The following PTPRN2 variants were observed in gnomAD, a reference collection of about 807,000 sequenced individuals.
The protein encoded by PTPRN2 is protein tyrosine phosphatase receptor type N2.
In PTPRN2, 74 loss-of-function variants were observed where a neutral mutation model predicts 118.8. The observed-to-expected ratio is 0.62, with a 90% CI of 0.52 to 0.76. The LOEUF (loss-of-function observed/expected upper bound fraction) is 0.76, where lower values mean the gene tolerates loss of function less well. Among genes scored for constraint, PTPRN2 ranks in the 30% least tolerant of loss-of-function variants. The probability of loss-of-function intolerance (pLI) is 0.00; values close to 1 mark genes in which losing one functional copy is unlikely to be tolerated. For synonymous variants in PTPRN2, 641 were observed against 608.0 expected (o/e 1.05, Z -0.80); for missense variants, 1,481 against 1,394.4 (o/e 1.06, Z -0.99).
At chr7:158,341,119 AC>A (rs1806673853) in intron 2 of PTPRN2, among the ~76,000 whole-genome samples, 5 of 45,368 alleles carry the variant, frequency 1.1e-4, no homozygotes, top group Non-Finnish European at 2.8e-4. Flanking sequence ...TCACACCCAC[AC>A]GTCACTCACA....
At chr7:158,302,210 C>T (rs924835568) in intron 3 of PTPRN2, among the ~76,000 whole-genome samples, 3 of 152,198 alleles carry the variant, frequency 2.0e-5, no homozygotes, top group African/African-American at 7.2e-5. Context: ...GCATCCTCTC[C>T]CCAGACACCA....
At chr7:157,681,198 C>T (rs996726295) in intron 13 of PTPRN2, among the ~76,000 whole-genome samples, 2 of 152,134 alleles carry the variant, frequency 1.3e-5, no homozygotes, top group Non-Finnish European at 2.9e-5. Flanking sequence ...AAGGGCGCCA[C>T]GCTTTCTAAA....
intron 1 of PTPRN2, among the ~76,000 whole-genome samples, chr7:158,508,917 C>T (rs1038222070): frequency 1.3e-5 from 2 of 149,706 alleles, no homozygotes; most frequent in African/African-American, 5.0e-5. Flanking sequence ...GGAGCAGGTG[C>T]GGAAGTGGCT....
chr7:158,204,175 C>G (rs1014587606), intron 4 of PTPRN2, among the ~76,000 whole-genome samples: 16 of 150,970 alleles, frequency 1.1e-4, no homozygotes, highest in Non-Finnish European at 2.1e-4. Context: ...GGGAAAGAAG[C>G]AGCCGCCGCC....
intron 17 of PTPRN2, among the ~76,000 whole-genome samples, chr7:157,588,788 GGA>G (rs1800820408): frequency 6.6e-6 from 1 of 152,118 alleles, no homozygotes; most frequent in African/African-American, 2.4e-5. Context: ...TTATCTGTGA[GGA>G]GTGTGTATGC....
chr7:157,707,934 G>C (rs1282061373), intron 12 of PTPRN2, among the ~76,000 whole-genome samples: 2 of 152,244 alleles, frequency 1.3e-5, no homozygotes, highest in Non-Finnish European at 2.9e-5. Context: ...GTAGCCACAA[G>C]AGTTAACATT....
intron 3 of PTPRN2, among the ~76,000 whole-genome samples, chr7:158,257,901 C>T (rs576278905): frequency 1.3e-5 from 2 of 152,226 alleles, no homozygotes; most frequent in South Asian, 2.1e-4. Context: ...CCTGGCTTCG[C>T]GGTGACAGCA....
chr7:158,177,668 A>G (rs552076019), intron 5 of PTPRN2, among the ~76,000 whole-genome samples: 25 of 152,356 alleles, frequency 1.6e-4, no homozygotes, highest in African/African-American at 5.3e-4. Context: ...TTTGGTCAAC[A>G]GAAATGAGAC....
chr7:158,082,298 C>T (rs1812903779), intron 10 of PTPRN2, among the ~76,000 whole-genome samples: 1 of 152,210 alleles, frequency 6.6e-6, no homozygotes, highest in South Asian at 2.1e-4. Flanking sequence ...ACACACCCTC[C>T]ACCACAGGCT....
intron 6 of PTPRN2, among the ~76,000 whole-genome samples, chr7:158,138,721 T>C (rs965139198): frequency 5.3e-5 from 8 of 152,140 alleles, no homozygotes; most frequent in Non-Finnish European, 1.0e-4. Context: ...ACTAGTTCAG[T>C]TCCCCAGAGG....
chr7:158,365,787 C>CA (rs1809407833), intron 2 of PTPRN2, among the ~76,000 whole-genome samples: 4 of 96,022 alleles, frequency 4.2e-5, no homozygotes, highest in East Asian at 3.3e-4. Flanking sequence ...ACACACACAC[C>CA]CACACACACA....
intron 1 of PTPRN2, among the ~76,000 whole-genome samples, chr7:158,523,227 G>A (rs1188107324): frequency 6.6e-6 from 1 of 152,172 alleles, no homozygotes; most frequent in East Asian, 1.9e-4. Context: ...GTGTGACCAG[G>A]GGCGGGGGTG....
At chr7:157,924,736 C>T (rs1306626173) in intron 11 of PTPRN2, among the ~76,000 whole-genome samples, 2 of 152,398 alleles carry the variant, frequency 1.3e-5, no homozygotes, top group East Asian at 1.9e-4. Flanking sequence ...GTACCCTCTG[C>T]TCACCCAACT....
chr7:158,330,811 C>G (rs1348750763), intron 2 of PTPRN2, among the ~76,000 whole-genome samples: 42 of 98,136 alleles, frequency 4.3e-4, no homozygotes, highest in African/African-American at 5.1e-4. Context: ...ACCATAAGAG[C>G]TGACACCCGC....
rs1364601974 is a variant in PTPRN2, at chr7:158,464,048, C to T, written c.163+25687G>A. Among the ~76,000 whole-genome samples, 4 of 48,648 alleles carry T rather than the reference C, an allele frequency of 8.2e-5. No individual in the cohort carries two copies. In the South Asian group the frequency reaches 3.0e-3, roughly 37 times the overall value. 31.9% of individuals were successfully genotyped at this position (48,648 alleles called of 152,430 possible). A position where few individuals can be genotyped will look rare whatever the true frequency, so the allele number is the denominator to read the frequency against. On this transcript the variant is annotated intron_variant, in intron 2 of 22. Coordinates refer to ENST00000389418, the MANE Select transcript of PTPRN2 (RefSeq NM_002847.5). ...CCTTACCATCGCCATCATTGCCATG[C>T]CATTTAGTAAATAATCCTTCATCAC...
intron 3 of PTPRN2, among the ~76,000 whole-genome samples, chr7:158,218,780 C>T (rs1370891824): frequency 6.6e-6 from 1 of 152,098 alleles, no homozygotes; most frequent in Non-Finnish European, 1.5e-5. Context: ...GCAGAGGTTG[C>T]TATTCTTATA....
intron 12 of PTPRN2, among the ~76,000 whole-genome samples, chr7:157,844,876 C>T (rs981726037): frequency 3.3e-5 from 5 of 152,172 alleles, no homozygotes; most frequent in Non-Finnish European, 5.9e-5. Flanking sequence ...TCCGGGTGCT[C>T]GTGTCCGTGC....
chr7:158,461,886 T>G (rs1024401466), intron 2 of PTPRN2, among the ~76,000 whole-genome samples: 1 of 94,630 alleles, frequency 1.1e-5, no homozygotes, highest in African/African-American at 3.7e-5. Flanking sequence ...TCTGAGTTAC[T>G]GAGCCTAAAG....
At chr7:157,952,394 CATCCCT>C (rs1800879416) in intron 11 of PTPRN2, among the ~76,000 whole-genome samples, 1 of 113,266 alleles carries the variant, frequency 8.8e-6, no homozygotes, top group Non-Finnish European at 1.9e-5. Context: ...GGGTAGTGTG[CATCCCT>C]GAGACGGGGT....
Sources: allele counts gnomAD v4.1 joint callset (sites outside exome capture counted in the v4.1 genomes callset), GRCh38; gene constraint gnomAD v4.1.1; transcripts MANE v1.5; gene names NCBI Gene and HGNC (gene_info 2026-07-23, HGNC 2026-07-21).